The following BAIAP2L1 variants were observed in gnomAD, a reference collection of about 807,000 sequenced individuals.
BAIAP2L1 encodes the protein BAR/IMD domain containing adaptor protein 2 like 1, also known as BAR/IMD domain-containing adapter protein 2-like 1.
A neutral mutation model predicts 66.3 loss-of-function variants in BAIAP2L1; 35 were observed. That is an observed-to-expected ratio of 0.53 (90% CI 0.40 to 0.70). The LOEUF is 0.70. BAIAP2L1 is among the 30% of genes least tolerant of loss of function. The pLI is 0.00. For synonymous variants in BAIAP2L1, 269 were observed against 248.7 expected, an observed-to-expected ratio of 1.08 and a Z score of -0.77; for missense variants, 622 against 656.9, an observed-to-expected ratio of 0.95 and a Z score of 0.58.
intron 3 of BAIAP2L1, among the ~76,000 whole-genome samples, chr7:98,328,206 G>C (rs990432680): frequency 2.0e-5 from 3 of 152,188 alleles, no homozygotes; most frequent in Admixed American, 6.5e-5. Flanking sequence ...AGGAAGATGG[G>C]AAGGCTGGCT....
chr7:98,353,482 C>T (rs1172444950), intron 3 of BAIAP2L1, among the ~76,000 whole-genome samples: 3 of 131,032 alleles, frequency 2.3e-5, no homozygotes, highest in African/African-American at 8.6e-5. Flanking sequence ...TACATATTTA[C>T]ATTATAAATA....
intron 2 of BAIAP2L1, among the ~76,000 whole-genome samples, chr7:98,359,802 T>C (rs1353853537): frequency 6.8e-6 from 1 of 147,716 alleles, no homozygotes; most frequent in Non-Finnish European, 1.5e-5. Flanking sequence ...CTCTGTCTCC[T>C]AGGCTGGAGT....
chr7:98,357,744 CTTAG>C (rs1359605807), intron 2 of BAIAP2L1, among the ~76,000 whole-genome samples: 1 of 152,058 alleles, frequency 6.6e-6, no homozygotes, highest in Non-Finnish European at 1.5e-5. Flanking sequence ...TATATACATA[CTTAG>C]TTAATCTATC....
intron 1 of BAIAP2L1, among the ~76,000 whole-genome samples, chr7:98,371,193 G>A (rs1051598474): frequency 1.3e-5 from 2 of 152,116 alleles, no homozygotes; most frequent in African/African-American, 4.8e-5. Context: ...GGGCCAAGCA[G>A]CACTGTTACT....
intron 1 of BAIAP2L1, among the ~76,000 whole-genome samples, chr7:98,390,675 T>C (rs1803015712): frequency 6.6e-6 from 1 of 151,608 alleles, no homozygotes; most frequent in Admixed American, 6.6e-5. Flanking sequence ...GAGCTTGCAG[T>C]GAGCCAAGAT....
intron 11 of BAIAP2L1, among the ~76,000 whole-genome samples, chr7:98,305,166 C>T (rs1800605195): frequency 6.9e-6 from 1 of 145,698 alleles, no homozygotes; most frequent in African/African-American, 2.5e-5. Context: ...GCTGGGATTA[C>T]AGGCATGAGC....
chr7:98,355,279 T>C (rs568888847), intron 2 of BAIAP2L1, 151 bp from the exon 3 acceptor site: 80 of 643,744 alleles, frequency 1.2e-4, no homozygotes, highest in Non-Finnish European at 2.1e-4. Flanking sequence ...AGACCTGTGT[T>C]GAGAGTGGTG....
chr7:98,322,222 T>A (rs1247804470), intron 3 of BAIAP2L1, among the ~76,000 whole-genome samples: 1 of 152,094 alleles, frequency 6.6e-6, no homozygotes, highest in African/African-American at 2.4e-5. Flanking sequence ...TCGGCTATGA[T>A]CACCATACAA....
intron 1 of BAIAP2L1, among the ~76,000 whole-genome samples, chr7:98,372,907 T>A (rs897378781): frequency 1.7e-4 from 26 of 152,094 alleles, no homozygotes; most frequent in African/African-American, 6.3e-4. Context: ...GCCCAGCTAA[T>A]TTTTGTATTC....
Position 98,315,576 on chromosome 7 carries a change from G to T in BAIAP2L1, c.523C>A (p.Gln175Lys). The T allele has an allele frequency of 1.4e-6, 2 of 1,480,324 alleles. No homozygotes were observed. Among genetic ancestry groups the T allele is most frequent in the Non-Finnish European group, 1.8e-6 (2 of 1,105,872 alleles). The allele number at this position is 1,480,324 out of a possible 1,614,324, so 91.7% of individuals were successfully genotyped here. Residue 175 changes from glutamine (Q) to lysine (K), a missense_variant, in exon 7 of 14, where the codon CAG becomes AAG. Transcript: ENST00000005260. ...TTGCAACCATCTGCAATGAATTTCT[G>T]GATTTCACTCTGACGAGAAGTAACG... is the stretch of plus-strand genomic sequence containing the variant. Reference protein sequence around the residue: ...ETVTSRQSEIQKFIADGCKEA... With the variant: ...ETVTSRQSEIKKFIADGCKEA...
At chr7:98,375,816 A>C (rs1232654360) in intron 1 of BAIAP2L1, among the ~76,000 whole-genome samples, 1 of 152,118 alleles carries the variant, frequency 6.6e-6, no homozygotes, top group East Asian at 1.9e-4. Context: ...CCTTTGCTGA[A>C]AAAGCACTAA....
At chr7:98,390,020 A>G (rs913155822) in intron 1 of BAIAP2L1, among the ~76,000 whole-genome samples, 1 of 150,058 alleles carries the variant, frequency 6.7e-6, no homozygotes, top group African/African-American at 2.5e-5. Context: ...GGTTCACACC[A>G]TTCTCCTGCT....
chr7:98,343,281 AC>A, intron 3 of BAIAP2L1, among the ~76,000 whole-genome samples: 1 of 149,898 alleles, frequency 6.7e-6, no homozygotes, highest in Non-Finnish European at 1.5e-5. Context: ...ACACACACAC[AC>A]ACACAGACAC....
Position 98,338,634 on chromosome 7 carries a change from C to T in BAIAP2L1, c.214+16408G>A, listed in dbSNP as rs11972591. 8.7e-3 allele frequency among the ~76,000 whole-genome samples: 1,331 copies of T among 152,216 alleles called. 19 individuals carry two copies. The highest frequency in any genetic ancestry group is 0.03 in the African/African-American group (1,256 of 41,524). On this transcript the variant is annotated intron_variant, in intron 3 of 13. Transcript: ENST00000005260. ...ACGTGGCACATAACCAAGGTTCACCCGTATTGCAGCATATAGCGGTACTTC... is the reference window on the plus strand; with the variant it reads ...ACGTGGCACATAACCAAGGTTCACCTGTATTGCAGCATATAGCGGTACTTC...
At chr7:98,316,097 T>A (rs544920055) in intron 6 of BAIAP2L1, among the ~76,000 whole-genome samples, 1 of 152,290 alleles carries the variant, frequency 6.6e-6, no homozygotes, top group Non-Finnish European at 1.5e-5. Context: ...CCCATGCCAT[T>A]CTTGTGATAG....
intron 10 of BAIAP2L1, 46 bp downstream of exon 10, chr7:98,307,643 G>C: frequency 6.2e-7 from 1 of 1,606,342 alleles, no homozygotes; most frequent in Non-Finnish European, 8.5e-7. Context: ...CTCTGGAAGG[G>C]AGGGGCCGTC....
intron 5 of BAIAP2L1, among the ~76,000 whole-genome samples, chr7:98,319,703 T>C (rs1350105734): frequency 6.6e-6 from 1 of 152,038 alleles, no homozygotes; most frequent in Non-Finnish European, 1.5e-5. Flanking sequence ...TGCACCACCA[T>C]GCTCAGCTAA....
chr7:98,299,483 A>G (rs1248811646), intron 12 of BAIAP2L1, among the ~76,000 whole-genome samples: 1 of 150,196 alleles, frequency 6.7e-6, no homozygotes, highest in African/African-American at 2.5e-5. Context: ...AGCCTCAGCC[A>G]TGGTACCTGC....
At chr7:98,350,645 C>G (rs538242534) in intron 3 of BAIAP2L1, among the ~76,000 whole-genome samples, 1 of 152,046 alleles carries the variant, frequency 6.6e-6, no homozygotes, top group Non-Finnish European at 1.5e-5. Flanking sequence ...GGCGACAGAG[C>G]GAGACTTCGT....
Sources: gnomAD v4.1 joint callset for allele counts (sites outside exome capture counted in the v4.1 genomes callset) on GRCh38, gnomAD v4.1.1 for gene constraint, MANE v1.5 for transcripts, NCBI Gene and HGNC (gene_info 2026-07-23, HGNC 2026-07-21) for gene names.